ASIC2: variants seen among roughly 807,000 people sequenced by gnomAD.
ASIC2 encodes acid sensing ion channel subunit 2.
A neutral mutation model predicts 57.3 loss-of-function variants in ASIC2; 25 were observed. That is an observed-to-expected ratio of 0.44 (90% CI 0.32 to 0.61). The LOEUF (loss-of-function observed/expected upper bound fraction) is 0.61. Ranked by LOEUF, ASIC2 falls within the 20% of genes least tolerant of loss-of-function variation. ASIC2 has a pLI of 0.06. For missense variants in ASIC2, 641 were observed against 738.1 expected (o/e 0.87, Z 1.52); for synonymous variants, 319 against 307.5 (o/e 1.04, Z -0.39).
At chr17:33,425,679 G>A (rs1414617939) in intron 1 of ASIC2, among the ~76,000 whole-genome samples, 3 of 152,058 alleles carry the variant, frequency 2.0e-5, no homozygotes, top group Non-Finnish European at 4.4e-5. Flanking sequence ...AAGGGATGGG[G>A]AGAAACATAA....
At chr17:34,128,466 C>T (rs925844085) in intron 1 of ASIC2, among the ~76,000 whole-genome samples, 4 of 152,154 alleles carry the variant, frequency 2.6e-5, no homozygotes, top group African/African-American at 9.7e-5. Flanking sequence ...CTGCAAACCA[C>T]ACTTATTCAA....
intron 1 of ASIC2, among the ~76,000 whole-genome samples, chr17:33,308,633 G>GA (rs1276986617): frequency 6.6e-6 from 1 of 151,840 alleles, no homozygotes; most frequent in Non-Finnish European, 1.5e-5. Flanking sequence ...AAAGATGAAT[G>GA]AAAAAAAGGA....
intron 1 of ASIC2, among the ~76,000 whole-genome samples, chr17:33,655,817 T>C (rs1439008025): frequency 2.6e-5 from 4 of 152,200 alleles, no homozygotes; most frequent in African/African-American, 9.6e-5. Flanking sequence ...TCAGTCCCCA[T>C]GTAGAAAAAA....
intron 1 of ASIC2, among the ~76,000 whole-genome samples, chr17:33,726,646 G>A (rs1016610290): frequency 2.0e-5 from 3 of 152,114 alleles, no homozygotes; most frequent in Non-Finnish European, 4.4e-5. Context: ...CAAAATATCT[G>A]TTCCTTCTCC....
chr17:33,871,427 C>G (rs1027837336), intron 1 of ASIC2, among the ~76,000 whole-genome samples: 20 of 152,212 alleles, frequency 1.3e-4, no homozygotes, highest in Non-Finnish European at 2.5e-4. Context: ...GTGTCAACCC[C>G]ACCTCCTTCT....
At chr17:33,584,577 C>T (rs1309034688) in intron 1 of ASIC2, among the ~76,000 whole-genome samples, 2 of 152,102 alleles carry the variant, frequency 1.3e-5, no homozygotes, top group African/African-American at 2.4e-5. Context: ...TGACTTGGCA[C>T]AGGTGAGGCA....
At chr17:34,016,342 T>A (rs1906952846) in intron 1 of ASIC2, among the ~76,000 whole-genome samples, 2 of 139,722 alleles carry the variant, frequency 1.4e-5, no homozygotes, top group African/African-American at 5.6e-5. Context: ...GAGAACGGCG[T>A]GAACCCGGGA....
At chr17:34,148,382 TG>T (rs1456431445) in intron 1 of ASIC2, among the ~76,000 whole-genome samples, 2 of 152,186 alleles carry the variant, frequency 1.3e-5, no homozygotes, top group African/African-American at 4.8e-5. Context: ...AGTTCTAAAC[TG>T]GAAGATCCCA....
chr17:34,031,165 T>A (rs964722427), intron 1 of ASIC2, among the ~76,000 whole-genome samples: 1 of 152,136 alleles, frequency 6.6e-6, no homozygotes, highest in Non-Finnish European at 1.5e-5. Context: ...GAGACAAAAC[T>A]TCCAGAGGAA....
At chr17:33,755,945 A>G (rs781727739) in intron 1 of ASIC2, among the ~76,000 whole-genome samples, 6 of 152,182 alleles carry the variant, frequency 3.9e-5, no homozygotes, top group Non-Finnish European at 5.9e-5. Context: ...GATGGATGAT[A>G]AGCAGGGTGG....
At chr17:33,992,979 T>A (rs1906047838) in intron 1 of ASIC2, among the ~76,000 whole-genome samples, 1 of 152,124 alleles carries the variant, frequency 6.6e-6, no homozygotes, top group South Asian at 2.1e-4. Context: ...TGGCTGTATG[T>A]TAAAATTACC....
At chr17:33,300,147 C>G (rs990822309) in intron 1 of ASIC2, among the ~76,000 whole-genome samples, 1 of 152,220 alleles carries the variant, frequency 6.6e-6, no homozygotes, top group Non-Finnish European at 1.5e-5. Context: ...GTTTTCCTCC[C>G]TGGAGGCTCC....
chr17:33,831,695 G>A (rs748804745), intron 1 of ASIC2, among the ~76,000 whole-genome samples: 7 of 152,072 alleles, frequency 4.6e-5, no homozygotes, highest in Admixed American at 1.3e-4. Flanking sequence ...AGCTCTGCAC[G>A]CATCCACATC....
chr17:34,115,356 C>T (rs1239492471), intron 1 of ASIC2, among the ~76,000 whole-genome samples: 1 of 152,148 alleles, frequency 6.6e-6, no homozygotes, highest in East Asian at 1.9e-4. Context: ...CCCAATCATC[C>T]GTTCAGTACT....
intron 1 of ASIC2, among the ~76,000 whole-genome samples, chr17:33,868,460 G>A (rs1033190166): frequency 1.3e-5 from 2 of 151,540 alleles, no homozygotes; most frequent in African/African-American, 4.9e-5. Context: ...ATGCAAAATG[G>A]ATCATAGATT....
At chr17:33,036,443 G>A (rs2141912446) in intron 3 of ASIC2, among the ~76,000 whole-genome samples, 1 of 152,134 alleles carries the variant, frequency 6.6e-6, no homozygotes, top group African/African-American at 2.4e-5. Flanking sequence ...TAATTAGTTA[G>A]TTTTAGAGAC....
intron 1 of ASIC2, among the ~76,000 whole-genome samples, chr17:33,504,413 A>T (rs1914188516): frequency 6.6e-6 from 1 of 152,126 alleles, no homozygotes; most frequent in African/African-American, 2.4e-5. Context: ...ATCTCAGTTC[A>T]CTGCAACCTC....
chr17:33,289,239 C>T (rs890270896), intron 1 of ASIC2, among the ~76,000 whole-genome samples: 2 of 152,178 alleles, frequency 1.3e-5, no homozygotes, highest in African/African-American at 4.8e-5. Context: ...ACTCTTCAAA[C>T]GCAGGGACTC....
At chr17:34,130,539 A>ATATAGT (rs1415853452) in intron 1 of ASIC2, among the ~76,000 whole-genome samples, 1 of 152,206 alleles carries the variant, frequency 6.6e-6, no homozygotes, top group East Asian at 1.9e-4. Flanking sequence ...GACAAGAAAG[A>ATATAGT]TATAGTCCCT....
Sources: allele counts gnomAD v4.1 joint callset (sites outside exome capture counted in the v4.1 genomes callset), GRCh38; gene constraint gnomAD v4.1.1; transcripts MANE v1.5; gene names NCBI Gene and HGNC (gene_info 2026-07-23, HGNC 2026-07-21).